Variants in CNTNAP3 observed in about 807,000 individuals in gnomAD.
CNTNAP3 encodes contactin associated protein family member 3.
CNTNAP3 carries 36 observed loss-of-function variants against 92.1 expected under a neutral mutation model. That is an observed-to-expected ratio of 0.39 (90% CI 0.30 to 0.52). The LOEUF is 0.52. CNTNAP3 is among the 20% of genes least tolerant of loss of function. The probability of loss-of-function intolerance (pLI) is 0.76; values close to 1 mark genes in which losing one functional copy is unlikely to be tolerated. For synonymous variants in CNTNAP3, 232 were observed against 422.3 expected (o/e 0.55, Z 5.53); for missense variants, 534 against 1,069.6 (o/e 0.50, Z 6.98).
chr9:39,067,328 C>G lies in CNTNAP3; in HGVS notation c.*6562G>C, dbSNP rs1402328933. 6.6e-6 allele frequency among the ~76,000 whole-genome samples: 1 copy of G among 152,310 alleles called. No homozygotes were observed. The highest frequency in any genetic ancestry group is 6.5e-5 in the Admixed American group (1 of 15,292). On this transcript the variant is annotated 3_prime_UTR_variant, in exon 24 of 24. Coordinates refer to ENST00000297668, the MANE Select transcript of CNTNAP3 (RefSeq NM_033655.5). ...ATTGATTTTTATCCTCATTATAGGT[C>G]CTATTTTTCTGCCTCTTCACACACT...
Position 39,102,649 on chromosome 9 carries a change from G to A in CNTNAP3, c.2603C>T (p.Pro868Leu). ...NGPCEVTVQS[P>L]TPFNDNQWHH... ...CCACTGATTGTCATTAAAGGGAGTGGGTGACTGCACCGTGACCTCACAAGG... is the reference window on the plus strand; with the variant it reads ...CCACTGATTGTCATTAAAGGGAGTGAGTGACTGCACCGTGACCTCACAAGG... The change falls in exon 17 of 24, where the codon CCC (proline) becomes CTC (leucine). Residue 868 changes from proline (P) to leucine (L), a missense_variant. Pro to Leu is a moderately conservative substitution (Grantham distance 98). Coordinates refer to ENST00000297668, the MANE Select transcript of CNTNAP3 (RefSeq NM_033655.5). The A allele has an allele frequency of 1.4e-6, 2 of 1,419,338 alleles. No homozygotes were observed. Among genetic ancestry groups the A allele is most frequent in the Non-Finnish European group, 1.9e-6 (2 of 1,032,864 alleles). The allele number at this position is 1,419,338 out of a possible 1,614,324, so 87.9% of individuals were successfully genotyped here.
intron 23 of CNTNAP3, among the ~76,000 whole-genome samples, chr9:39,076,631 T>C (rs1056352106): frequency 4.6e-5 from 7 of 152,290 alleles, no homozygotes; most frequent in African/African-American, 1.7e-4. Context: ...AGTTTACTCT[T>C]GTATGTGCTA....
chr9:39,108,681 T>G (rs1279072459), intron 15 of CNTNAP3, among the ~76,000 whole-genome samples: 1 of 152,106 alleles, frequency 6.6e-6, no homozygotes, highest in Non-Finnish European at 1.5e-5. Context: ...GAGCGAGGAC[T>G]TGACCATGAA....
intron 13 of CNTNAP3, among the ~76,000 whole-genome samples, chr9:39,126,848 C>T (rs1266066129): frequency 6.6e-6 from 1 of 152,012 alleles, no homozygotes; most frequent in African/African-American, 2.4e-5. Flanking sequence ...GACAGAACTA[C>T]TGGACAAGAA....
intron 9 of CNTNAP3, chr9:39,159,676 A>G (rs1822043732): frequency 7.1e-6 from 1 of 141,842 alleles, no homozygotes; most frequent in South Asian, 2.1e-4. Context: ...AGATAGATAT[A>G]TGTAATCTTT....
At chr9:39,076,137 G>A in intron 23 of CNTNAP3, among the ~76,000 whole-genome samples, 1 of 152,310 alleles carries the variant, frequency 6.6e-6, no homozygotes, top group East Asian at 1.9e-4. Flanking sequence ...CGTTTACTCC[G>A]TCAATCTTGC....
At chr9:39,105,320 G>A (rs543015698) in intron 15 of CNTNAP3, among the ~76,000 whole-genome samples, 13 of 152,216 alleles carry the variant, frequency 8.5e-5, no homozygotes, top group Middle Eastern at 6.8e-3. Flanking sequence ...CCAGCTACTC[G>A]GGAGGCTGAG....
chr9:39,145,940 G>A (rs1456892132), intron 10 of CNTNAP3, among the ~76,000 whole-genome samples: 1 of 144,614 alleles, frequency 6.9e-6, no homozygotes, highest in East Asian at 2.1e-4. Context: ...TTAATATAAT[G>A]GAGCATCTTA....
At chr9:39,128,390 A>G (rs1204715084) in intron 13 of CNTNAP3, among the ~76,000 whole-genome samples, 1 of 152,088 alleles carries the variant, frequency 6.6e-6, no homozygotes, top group Admixed American at 6.5e-5. Context: ...TTTTTAAATT[A>G]TACATTATGG....
intron 13 of CNTNAP3, among the ~76,000 whole-genome samples, chr9:39,122,520 G>C (rs887106510): frequency 9.2e-5 from 14 of 152,174 alleles, no homozygotes; most frequent in Non-Finnish European, 1.5e-4. Flanking sequence ...GAGTCTCTGG[G>C]AAAACTCAAA....
At chr9:39,118,319 T>C (rs1340504665) in intron 13 of CNTNAP3, 60 bp from the exon 14 acceptor site, 3 of 1,605,908 alleles carry the variant, frequency 1.9e-6, no homozygotes, top group Non-Finnish European at 1.7e-6. Flanking sequence ...ACCCTCCCCA[T>C]ATAGCTCCCT....
At position 39,102,492 on chromosome 9, in the gene CNTNAP3, C is replaced by A. The variant is rs1826487336; in HGVS notation, c.2755+5G>T. 3.3e-6 allele frequency: 5 copies of A among 1,501,840 alleles called. No individual in the cohort carries two copies. In the East Asian group the frequency reaches 1.2e-4, roughly 37 times the overall value. The allele number at this position is 1,501,840 out of a possible 1,614,324, so 93.0% of individuals were successfully genotyped here. On this transcript the variant is annotated splice_donor_5th_base_variant and intron_variant, in intron 17 of 23. Coordinates refer to ENST00000297668, the MANE Select transcript of CNTNAP3 (RefSeq NM_033655.5). ...TAAATTCAGTTATAAACCACCAGCA[C>A]TCACCAATGAAGAGCTGGCTGTTGA...
chr9:39,133,336 A>G (rs543901471), intron 12 of CNTNAP3, among the ~76,000 whole-genome samples: 1 of 152,292 alleles, frequency 6.6e-6, no homozygotes, highest in East Asian at 1.9e-4. Flanking sequence ...TATTGGAAGA[A>G]CTGATGACCA....
At chr9:39,138,847 C>T (rs1287946838) in intron 12 of CNTNAP3, among the ~76,000 whole-genome samples, 1 of 152,152 alleles carries the variant, frequency 6.6e-6, no homozygotes, top group Non-Finnish European at 1.5e-5. Context: ...CCTGTCTCTC[C>T]AATTTTGAGG....
chr9:39,226,930 G>GTGTA (rs1375162937), intron 3 of CNTNAP3, among the ~76,000 whole-genome samples: 1 of 7,862 alleles, frequency 1.3e-4, no homozygotes, highest in African/African-American at 1.4e-4. Context: ...TGGTGTGTAT[G>GTGTA]TATATGTGTG....
chr9:39,127,606 TCAAA>T (rs1172624959), intron 13 of CNTNAP3, among the ~76,000 whole-genome samples: 1 of 152,118 alleles, frequency 6.6e-6, no homozygotes, highest in East Asian at 1.9e-4. Flanking sequence ...GCTGGAGACA[TCAAA>T]CAAATAATAA....
At chr9:39,134,132 T>C (rs1821368881) in intron 12 of CNTNAP3, among the ~76,000 whole-genome samples, 1 of 152,096 alleles carries the variant, frequency 6.6e-6, no homozygotes, top group South Asian at 2.1e-4. Context: ...TTACTGTTAC[T>C]TACACACGCC....
chr9:39,107,850 A>C (rs550476494), intron 15 of CNTNAP3, among the ~76,000 whole-genome samples: 84 of 152,338 alleles, frequency 5.5e-4, no homozygotes, highest in African/African-American at 1.9e-3. Context: ...AAAAGAGAAC[A>C]GAATATTTCG....
intron 18 of CNTNAP3, among the ~76,000 whole-genome samples, chr9:39,090,174 C>T (rs576150131): frequency 3.3e-5 from 5 of 152,162 alleles, no homozygotes; most frequent in Admixed American, 1.3e-4. Flanking sequence ...CTCCTGACCT[C>T]GTGATCTGCC....
Sources: allele counts gnomAD v4.1 joint callset (sites outside exome capture counted in the v4.1 genomes callset), GRCh38; gene constraint gnomAD v4.1.1; transcripts MANE v1.5; gene names NCBI Gene and HGNC (gene_info 2026-07-23, HGNC 2026-07-21).